The following BRAF variants were observed in gnomAD, a reference collection of about 807,000 sequenced individuals.
BRAF encodes the protein B-Raf proto-oncogene, serine/threonine kinase.
In BRAF, 16 loss-of-function variants were observed where a neutral mutation model predicts 104.6. That is an observed-to-expected ratio of 0.15 (90% CI 0.10 to 0.23). The LOEUF (loss-of-function observed/expected upper bound fraction) is 0.23, where lower values mean the gene tolerates loss of function less well. BRAF is among the 10% of genes least tolerant of loss of function. BRAF has a pLI of 1.00. For synonymous variants in BRAF, 310 were observed against 341.6 expected, an observed-to-expected ratio of 0.91 and a Z score of 1.02; for missense variants, 541 against 937.3, an observed-to-expected ratio of 0.58 and a Z score of 5.52.
intron 2 of BRAF, among the ~76,000 whole-genome samples, chr7:140,847,309 A>G (rs1218766923): frequency 6.6e-6 from 1 of 152,128 alleles, no homozygotes; most frequent in Non-Finnish European, 1.5e-5. Flanking sequence ...CCGGCCAGGC[A>G]CGGTGGCTCA....
chr7:140,716,862 C>T (rs2130810237), downstream of BRAF, among the ~76,000 whole-genome samples: 1 of 152,340 alleles, frequency 6.6e-6, no homozygotes, highest in Non-Finnish European at 1.5e-5. Flanking sequence ...GCCCCTAGAA[C>T]TATTTTATAG....
intron 1 of BRAF, among the ~76,000 whole-genome samples, chr7:140,911,336 AG>A (rs1816948535): frequency 6.6e-6 from 1 of 152,230 alleles, no homozygotes; most frequent in Non-Finnish European, 1.5e-5. Context: ...GTAGCCACAT[AG>A]ATACGGCTAC....
intron 2 of BRAF, among the ~76,000 whole-genome samples, chr7:140,848,296 C>T (rs1297359883): frequency 1.3e-5 from 2 of 152,180 alleles, no homozygotes; most frequent in Non-Finnish European, 2.9e-5. Flanking sequence ...TCTTTCCTAA[C>T]TAGCAGTGTC....
chr7:140,725,299 A>G lies in BRAF; in HGVS notation c.*1195T>C, dbSNP rs1455402794. On this transcript the variant is annotated 3_prime_UTR_variant, in exon 20 of 20. Coordinates refer to ENST00000644969, the MANE Select transcript of BRAF (RefSeq NM_001374258.1). Reference sequence around the variant, plus strand: ...AGCAAGTACCATTAATTGAAAAATTATAAATATTTGTCATTATGCTAAGAC... The same window carrying G: ...AGCAAGTACCATTAATTGAAAAATTGTAAATATTTGTCATTATGCTAAGAC... 9.7e-7 allele frequency: 1 copy of G among 1,035,450 alleles called. No individual in the cohort carries two copies. The highest frequency in any genetic ancestry group is 1.7e-5 in the African/African-American group (1 of 59,764). The allele number at this position is 1,035,450 out of a possible 1,614,324, so 64.1% of individuals were successfully genotyped here.
chr7:140,740,273 TA>T (rs201750702), intron 17 of BRAF: 26,567 of 185,276 alleles, frequency 0.14, 1,089 homozygotes, highest in South Asian at 0.25. Context: ...TTCTTTACTT[TA>T]AAAAAAAAAA....
intron 1 of BRAF, among the ~76,000 whole-genome samples, chr7:140,854,894 G>A (rs1472916418): frequency 2.0e-5 from 3 of 152,104 alleles, no homozygotes; most frequent in Admixed American, 6.6e-5. Context: ...GCAGTGAGCC[G>A]AGACTGCGCC....
intron 1 of BRAF, among the ~76,000 whole-genome samples, chr7:140,860,002 T>C (rs57621953): frequency 0.092 from 13,992 of 152,202 alleles, 2,123 homozygotes; most frequent in African/African-American, 0.32. Context: ...CTAAAATTTT[T>C]ATGGAAGCAC....
chr7:140,825,518 T>C (rs1422329385), intron 3 of BRAF, among the ~76,000 whole-genome samples: 2 of 152,240 alleles, frequency 1.3e-5, no homozygotes, highest in Admixed American at 6.5e-5. Flanking sequence ...TCTGTAGTGT[T>C]TTCTTCTGCA....
downstream of BRAF, among the ~76,000 whole-genome samples, chr7:140,717,806 A>G (rs1795167979): frequency 6.6e-6 from 1 of 152,214 alleles, no homozygotes; most frequent in Non-Finnish European, 1.5e-5. Flanking sequence ...GGTTTAGAAA[A>G]TGAATTTCTA....
chr7:140,829,139 G>A (rs758969426), intron 3 of BRAF, among the ~76,000 whole-genome samples: 1 of 150,032 alleles, frequency 6.7e-6, no homozygotes, highest in Non-Finnish European at 1.5e-5. Flanking sequence ...TTGGTATCTG[G>A]GCACCAATGC....
chr7:140,837,896 C>G (rs753739584), intron 2 of BRAF, among the ~76,000 whole-genome samples: 1 of 152,102 alleles, frequency 6.6e-6, no homozygotes, highest in African/African-American at 2.4e-5. Context: ...CACATCTTTC[C>G]CCATTCTTCT....
At chr7:140,844,028 T>C (rs1337783148) in intron 2 of BRAF, among the ~76,000 whole-genome samples, 3 of 151,810 alleles carry the variant, frequency 2.0e-5, no homozygotes, top group Non-Finnish European at 2.9e-5. Context: ...AAAATAATAA[T>C]AAAAATTAAA....
At chr7:140,821,558 C>T (rs1805491855) in intron 3 of BRAF, among the ~76,000 whole-genome samples, 1 of 151,886 alleles carries the variant, frequency 6.6e-6, no homozygotes, top group South Asian at 2.1e-4. Flanking sequence ...CCCGCCTCAA[C>T]CTCCCAAAGT....
At position 140,781,843 on chromosome 7, in the gene BRAF, T is replaced by C. The variant is rs570877896; in HGVS notation, c.1435-150A>G. 4 of 680,274 alleles carry C rather than the reference T, an allele frequency of 5.9e-6. No individual in the cohort carries two copies. The East Asian group carries it at 8.1e-5, about 14-fold the overall frequency. The allele number at this position is 680,274 out of a possible 1,614,324, so 42.1% of individuals were successfully genotyped here. A position where few individuals can be genotyped will look rare whatever the true frequency, so the allele number is the denominator to read the frequency against. ...TCTGGAAGAATAGTAGTTAAAAGTA[T>C]GACTCTTAAAATACAAAACTTAAAT... On this transcript the variant is annotated intron_variant, in intron 11 of 19. Coordinates refer to ENST00000644969, the MANE Select transcript of BRAF (RefSeq NM_001374258.1).
Position 140,835,850 on chromosome 7 carries a change from T to C in BRAF, c.241-978A>G, listed in dbSNP as rs1310851501. On this transcript the variant is annotated intron_variant, in intron 2 of 19. Coordinates refer to ENST00000644969, the MANE Select transcript of BRAF (RefSeq NM_001374258.1). ...CTACCATCTCAAATAGATGCAATACTACAAACATTTATGAAAGAGAGAAGC... is the reference window on the plus strand; with the variant it reads ...CTACCATCTCAAATAGATGCAATACCACAAACATTTATGAAAGAGAGAAGC... The C allele has an allele frequency of 3.9e-5, 6 of 152,228 alleles. No individual in the cohort carries two copies. The East Asian group carries it at 9.6e-4, about 24-fold the overall frequency. 9.4% of individuals were successfully genotyped at this position (152,228 alleles called of 1,614,324 possible). A position where few individuals can be genotyped will look rare whatever the true frequency, so the allele number is the denominator to read the frequency against.
intron 1 of BRAF, among the ~76,000 whole-genome samples, chr7:140,902,711 T>C (rs947847683): frequency 1.3e-5 from 2 of 152,184 alleles, no homozygotes; most frequent in African/African-American, 4.8e-5. Flanking sequence ...GGTGGGAGGA[T>C]TGCTTGAGGC....
chr7:140,880,359 G>C (rs1221041977), intron 1 of BRAF, among the ~76,000 whole-genome samples: 1 of 152,100 alleles, frequency 6.6e-6, no homozygotes, highest in Admixed American at 6.6e-5. Context: ...TAGCAATTCG[G>C]TCACATCTTC....
intron 8 of BRAF, among the ~76,000 whole-genome samples, chr7:140,791,026 G>A (rs1314870536): frequency 1.3e-5 from 2 of 152,086 alleles, no homozygotes; most frequent in African/African-American, 2.4e-5. Flanking sequence ...GCTTGAACCC[G>A]GGAGGTGGAG....
intron 1 of BRAF, among the ~76,000 whole-genome samples, chr7:140,918,402 C>G (rs1019402420): frequency 1.3e-5 from 2 of 152,120 alleles, no homozygotes; most frequent in African/African-American, 4.8e-5. Context: ...ACGCTCCTGC[C>G]GCTGATCTGA....
Sources: allele counts gnomAD v4.1 joint callset (sites outside exome capture counted in the v4.1 genomes callset), GRCh38; gene constraint gnomAD v4.1.1; transcripts MANE v1.5; gene names NCBI Gene and HGNC (gene_info 2026-07-23, HGNC 2026-07-21).